CDYL: variants seen among roughly 807,000 people sequenced by gnomAD.
CDYL encodes the protein chromodomain Y-like protein.
CDYL carries 8 observed loss-of-function variants against 47.3 expected under a neutral mutation model. The ratio of observed to expected loss-of-function variants is 0.17; its 90% CI spans 0.10 to 0.31. CDYL has a LOEUF of 0.31. CDYL is among the 10% of genes least tolerant of loss of function. The probability of loss-of-function intolerance (pLI) is 1.00; values close to 1 mark genes in which losing one functional copy is unlikely to be tolerated. For missense variants in CDYL, 471 were observed against 701.4 expected (o/e 0.67, Z 3.71); for synonymous variants, 266 against 265.0 (o/e 1.00, Z -0.04).
Position 4,953,950 on chromosome 6 carries a change from A to G in CDYL, c.1529A>G (p.Glu510Gly). Reference sequence around the variant, plus strand: ...CGCTGCAACATGAAGATGGAGCTGGAGCAGGCCAACGAGAGGGAGTGTGAG... The same window carrying G: ...CGCTGCAACATGAAGATGGAGCTGGGGCAGGCCAACGAGAGGGAGTGTGAG... Reference protein sequence around the residue: ...LVRCNMKMELEQANERECEVL... With the variant: ...LVRCNMKMELGQANERECEVL... The change falls in exon 7 of 7, where the codon GAG becomes GGG. Residue 510 changes from glutamate (E) to glycine (G), a missense_variant. Glu to Gly is a moderately conservative substitution (Grantham distance 98). This residue lies in a region of CDYL where 57 missense variants were observed against 74.3 expected (regional missense o/e 0.77). Coordinates refer to ENST00000397588, the MANE Select transcript of CDYL (RefSeq NM_004824.4). 6.2e-7 allele frequency: 1 copy of G among 1,614,108 alleles called. No individual in the cohort carries two copies. Among genetic ancestry groups the G allele is most frequent in the Non-Finnish European group, 8.5e-7 (1 of 1,180,010 alleles).
At chr6:4,720,961 A>G (rs1757358275) in intron 2 of CDYL, among the ~76,000 whole-genome samples, 1 of 152,214 alleles carries the variant, frequency 6.6e-6, no homozygotes, top group Non-Finnish European at 1.5e-5. Context: ...CAGCATAAAT[A>G]AAGATTTTTT....
intron 2 of CDYL, among the ~76,000 whole-genome samples, chr6:4,920,762 C>T (rs1362528716): frequency 6.6e-6 from 1 of 152,166 alleles, no homozygotes; most frequent in Non-Finnish European, 1.5e-5. Context: ...ATTACAGTCA[C>T]GCGCCACCAC....
chr6:4,805,362 C>G (rs1759340862), intron 1 of CDYL, among the ~76,000 whole-genome samples: 1 of 152,196 alleles, frequency 6.6e-6, no homozygotes, highest in African/African-American at 2.4e-5. Context: ...GAACTCGAAT[C>G]AGGCAAGGTA....
chr6:4,757,469 C>G (rs1758092459), intron 3 of CDYL, among the ~76,000 whole-genome samples: 1 of 152,016 alleles, frequency 6.6e-6, no homozygotes, highest in Non-Finnish European at 1.5e-5. Flanking sequence ...TGTCACAGAT[C>G]CATATTACCT....
At chr6:4,851,870 T>C (rs181594613) in intron 1 of CDYL, among the ~76,000 whole-genome samples, 175 of 152,260 alleles carry the variant, frequency 1.1e-3, no homozygotes, top group African/African-American at 4.0e-3. Context: ...CAGCCCCCAG[T>C]TGAGGTTCAA....
intron 1 of CDYL, among the ~76,000 whole-genome samples, chr6:4,782,656 A>G (rs1448748328): frequency 6.6e-6 from 1 of 152,232 alleles, no homozygotes. Context: ...GAATTTTATG[A>G]AAATTTAAAC....
chr6:4,903,265 A>G (rs1038331295), intron 2 of CDYL, among the ~76,000 whole-genome samples: 4 of 152,148 alleles, frequency 2.6e-5, no homozygotes, highest in African/African-American at 7.2e-5. Context: ...GTACGTGCAC[A>G]TGTCCTTTTA....
intron 1 of CDYL, among the ~76,000 whole-genome samples, chr6:4,874,971 C>T (rs957637523): frequency 6.6e-6 from 1 of 152,150 alleles, no homozygotes; most frequent in African/African-American, 2.4e-5. Context: ...GATTCCGTTT[C>T]TGGTTCTTAT....
chr6:4,709,121 C>T (rs1757102501), intron 1 of CDYL, among the ~76,000 whole-genome samples: 1 of 152,208 alleles, frequency 6.6e-6, no homozygotes, highest in South Asian at 2.1e-4. Context: ...TCTCCACCAA[C>T]CCTTCCATAC....
chr6:4,941,351 G>A (rs961392793), intron 4 of CDYL, among the ~76,000 whole-genome samples: 5 of 152,206 alleles, frequency 3.3e-5, no homozygotes, highest in African/African-American at 1.2e-4. Context: ...AGCCTTTATG[G>A]TCCTGGGAAG....
At chr6:4,758,857 CTTTAAAATATGTAATATATTTACATAT>C (rs1241115480) in intron 3 of CDYL, among the ~76,000 whole-genome samples, 1 of 151,444 alleles carries the variant, frequency 6.6e-6, no homozygotes, top group Non-Finnish European at 1.5e-5. Flanking sequence ...ATTTTAATTT[CTTTAAAATATGTAATATATTTACATAT>C]TTTAAAGCTT....
At chr6:4,948,308 G>C (rs1355612975) in intron 5 of CDYL, among the ~76,000 whole-genome samples, 1 of 152,166 alleles carries the variant, frequency 6.6e-6, no homozygotes, top group Non-Finnish European at 1.5e-5. Flanking sequence ...AAGACATTTT[G>C]GAAGTGGAGC....
chr6:4,715,627 G>A, intron 1 of CDYL: 1 of 1,003,262 alleles, frequency 1.0e-6, no homozygotes, highest in Non-Finnish European at 1.4e-6. Context: ...AGCACAAAAT[G>A]CTGGCTCACT....
chr6:4,891,498 C>T (rs545114011), intron 1 of CDYL, among the ~76,000 whole-genome samples: 1 of 152,340 alleles, frequency 6.6e-6, no homozygotes, highest in South Asian at 2.1e-4. Context: ...CATATCCACA[C>T]GTTCTCAGCA....
chr6:4,783,265 T>C (rs1758665649), intron 1 of CDYL, among the ~76,000 whole-genome samples: 1 of 150,636 alleles, frequency 6.6e-6, no homozygotes, highest in Admixed American at 6.6e-5. Flanking sequence ...TTTTTTTTAA[T>C]TATTATTATC....
chr6:4,907,107 G>T (rs2127497658), intron 2 of CDYL, among the ~76,000 whole-genome samples: 1 of 152,314 alleles, frequency 6.6e-6, no homozygotes, highest in South Asian at 2.1e-4. Flanking sequence ...CTTCAGAGTT[G>T]CACATTACTG....
intron 2 of CDYL, among the ~76,000 whole-genome samples, chr6:4,926,698 CTA>C (rs1200929551): frequency 5.3e-5 from 8 of 152,206 alleles, no homozygotes; most frequent in African/African-American, 1.9e-4. Context: ...AAGAATTATT[CTA>C]TGTCTCTCTC....
upstream of CDYL, among the ~76,000 whole-genome samples, chr6:4,771,822 CA>C (rs1466689208): frequency 6.6e-6 from 1 of 152,216 alleles, no homozygotes; most frequent in African/African-American, 2.4e-5. Flanking sequence ...GAAAGTTAAA[CA>C]GTACTTGCTG....
chr6:4,897,626 A>G (rs1762320343), intron 2 of CDYL, among the ~76,000 whole-genome samples: 1 of 152,172 alleles, frequency 6.6e-6, no homozygotes, highest in African/African-American at 2.4e-5. Context: ...TTAACAAATC[A>G]GGAGACCAGG....
Sources: gnomAD v4.1 joint callset for allele counts (sites outside exome capture counted in the v4.1 genomes callset) on GRCh38, gnomAD v4.1.1 for gene constraint, gnomAD v4.1.1 regional missense constraint, MANE v1.5 for transcripts, NCBI Gene and HGNC (gene_info 2026-07-23, HGNC 2026-07-21) for gene names.